Variants in NR1D2 observed in about 807,000 individuals in gnomAD.
NR1D2 encodes the protein V-erbA-related protein 1-related.
Under a neutral mutation model 52.2 loss-of-function variants are expected in NR1D2, and 25 were observed. The ratio of observed to expected loss-of-function variants is 0.48; its 90% CI spans 0.35 to 0.67. NR1D2 has a LOEUF of 0.67. NR1D2 is among the 30% of genes least tolerant of loss of function. The probability of loss-of-function intolerance (pLI) is 0.01; values close to 1 mark genes in which losing one functional copy is unlikely to be tolerated. For synonymous variants in NR1D2, 259 were observed against 230.1 expected (o/e 1.13, Z -1.14); for missense variants, 681 against 707.2 (o/e 0.96, Z 0.42).
chr3:23,977,381 C>A lies in NR1D2; in HGVS notation c.1702C>A (p.His568Asn), dbSNP rs1473459372. The A allele has an allele frequency of 1.9e-6, 3 of 1,610,208 alleles. No homozygotes were observed. Among genetic ancestry groups the A allele is most frequent in the Non-Finnish European group, 2.5e-6 (3 of 1,178,604 alleles). ...LPDLRSLNNMHSEELLAFKVH... is the reference protein window; with the variant it reads ...LPDLRSLNNMNSEELLAFKVH... Reference sequence around the variant, plus strand: ...AGATCTTCGATCTTTAAACAACATGCACTCTGAGGAGCTCTTGGCCTTTAA... The same window carrying A: ...AGATCTTCGATCTTTAAACAACATGAACTCTGAGGAGCTCTTGGCCTTTAA... The change falls in exon 8 of 8, where the codon CAC becomes AAC. Residue 568 changes from histidine (H) to asparagine (N), a missense_variant. This residue lies in a region of NR1D2 where 475 missense variants were observed against 454.5 expected (regional missense o/e 1.05). Transcript: ENST00000312521.
chr3:23,950,977 C>T (rs1705914026), intron 1 of NR1D2, among the ~76,000 whole-genome samples: 1 of 147,654 alleles, frequency 6.8e-6, no homozygotes, highest in Non-Finnish European at 1.5e-5. Context: ...GCCATCTCGG[C>T]TCACCGCAAC....
At chr3:23,946,406 C>T in intron 1 of NR1D2, 2 of 575,014 alleles carry the variant, frequency 3.5e-6, no homozygotes, top group Non-Finnish European at 4.4e-6. Context: ...GGGGCTTTCC[C>T]GAAGGGATAC....
intron 1 of NR1D2, among the ~76,000 whole-genome samples, chr3:23,949,313 C>T (rs561262319): frequency 3.3e-5 from 5 of 151,630 alleles, no homozygotes; most frequent in African/African-American, 7.3e-5. Context: ...GGCAGTGAGT[C>T]GAGATCACAC....
At chr3:23,949,639 T>C (rs1705871177) in intron 1 of NR1D2, among the ~76,000 whole-genome samples, 1 of 152,250 alleles carries the variant, frequency 6.6e-6, no homozygotes, top group African/African-American at 2.4e-5. Flanking sequence ...CCCTGACACC[T>C]AGGACACAAT....
chr3:23,948,774 G>C (rs1705847334), intron 1 of NR1D2, among the ~76,000 whole-genome samples: 1 of 152,196 alleles, frequency 6.6e-6, no homozygotes, highest in Non-Finnish European at 1.5e-5. Flanking sequence ...AACACAAACT[G>C]TTAACTACTG....
At chr3:23,949,376 C>A (rs1043300676) in intron 1 of NR1D2, among the ~76,000 whole-genome samples, 12 of 150,554 alleles carry the variant, frequency 8.0e-5, no homozygotes, top group South Asian at 2.2e-4. Context: ...AAAAAAAAAA[C>A]AACAAAAAAC....
At position 23,945,531 on chromosome 3, in the gene NR1D2, C is replaced by T. The variant is rs1388660710; in HGVS notation, c.-48C>T. 1.8e-6 allele frequency: 2 copies of T among 1,119,792 alleles called. No homozygotes were observed. Among genetic ancestry groups the T allele is most frequent in the Non-Finnish European group, 2.2e-6 (2 of 908,336 alleles). The allele number at this position is 1,119,792 out of a possible 1,614,324, so 69.4% of individuals were successfully genotyped here. A position where few individuals can be genotyped will look rare whatever the true frequency, so the allele number is the denominator to read the frequency against. On this transcript the variant is annotated 5_prime_UTR_variant, in exon 1 of 8. Transcript: ENST00000312521. ...CGCTGAGGCGGCGGCGGCGGCGCTG[C>T]CCCCTCTGCGGGAAGCGGGCGGCCC... is the stretch of plus-strand genomic sequence containing the variant.
chr3:23,967,026 T>C (rs1706465834), intron 6 of NR1D2, among the ~76,000 whole-genome samples: 1 of 151,698 alleles, frequency 6.6e-6, no homozygotes, highest in Non-Finnish European at 1.5e-5. Context: ...CCTGTCTCAA[T>C]AAATAAATAA....
intron 3 of NR1D2, among the ~76,000 whole-genome samples, chr3:23,957,159 T>C (rs62253383): frequency 0.3 from 45,274 of 151,416 alleles, 7,007 homozygotes; most frequent in Admixed American, 0.36. Flanking sequence ...ATTTTTGTAT[T>C]TTTAGTAGAT....
At chr3:23,959,627 T>C in intron 3 of NR1D2, 44 bp from the exon 4 acceptor site, 9 of 1,585,224 alleles carry the variant, frequency 5.7e-6, no homozygotes, top group Non-Finnish European at 7.7e-6. Context: ...AGAAGTTCAT[T>C]TGGGTGTTTT....
intron 1 of NR1D2, among the ~76,000 whole-genome samples, chr3:23,953,010 G>T: frequency 6.7e-6 from 1 of 149,032 alleles, no homozygotes; most frequent in African/African-American, 2.5e-5. Flanking sequence ...GGATTGTTTT[G>T]GCCTCAGCAT....
At chr3:23,951,579 A>G (rs911448235) in intron 1 of NR1D2, among the ~76,000 whole-genome samples, 1 of 152,232 alleles carries the variant, frequency 6.6e-6, no homozygotes, top group African/African-American at 2.4e-5. Context: ...GTAACATGAC[A>G]CTGGCTAGGT....
intron 5 of NR1D2, chr3:23,963,464 T>C (rs1575154762): frequency 8.8e-7 from 1 of 1,134,132 alleles, no homozygotes; most frequent in South Asian, 1.7e-5. Context: ...TTTTGTTTTT[T>C]TTTTTGAGAC....
In NR1D2 at chr3:23,979,654, A is replaced by G. The variant is rs1706824077; in HGVS notation, c.*2235A>G. ...GTAGGTAATGGGAAACAAAATTAATAGTTCATATGTCACTCATAGCATTTC... is the reference window on the plus strand; with the variant it reads ...GTAGGTAATGGGAAACAAAATTAATGGTTCATATGTCACTCATAGCATTTC... On this transcript the variant is annotated 3_prime_UTR_variant, in exon 8 of 8. Coordinates refer to ENST00000312521, the MANE Select transcript of NR1D2 (RefSeq NM_005126.5). The G allele has an allele frequency of 6.6e-6, 1 of 152,134 alleles. No individual in the cohort carries two copies. The highest frequency in any genetic ancestry group is 6.5e-5 in the Admixed American group (1 of 15,272). 9.4% of individuals were successfully genotyped at this position (152,134 alleles called of 1,614,324 possible).
At position 23,979,817 on chromosome 3, in the gene NR1D2, G is replaced by A. The variant is rs1575164612; in HGVS notation, c.*2398G>A. Reference sequence around the variant, plus strand: ...AAAGCAGCCAATTTAGGAAACTTCTGAGTTGGTGGGACACTGTTGATTAAT... The same window carrying A: ...AAAGCAGCCAATTTAGGAAACTTCTAAGTTGGTGGGACACTGTTGATTAAT... On this transcript the variant is annotated 3_prime_UTR_variant, in exon 8 of 8. Transcript: ENST00000312521. 1 of 152,232 alleles carries A rather than the reference G, an allele frequency of 6.6e-6. No individual in the cohort carries two copies. The highest frequency in any genetic ancestry group is 6.5e-5 in the Admixed American group (1 of 15,294). The allele number at this position is 152,232 out of a possible 1,614,324, so 9.4% of individuals were successfully genotyped here. A position where few individuals can be genotyped will look rare whatever the true frequency, so the allele number is the denominator to read the frequency against.
chr3:23,964,148 G>T (rs1047017738), intron 5 of NR1D2, among the ~76,000 whole-genome samples: 1 of 150,510 alleles, frequency 6.6e-6, no homozygotes, highest in Non-Finnish European at 1.5e-5. Flanking sequence ...GTATGATCTC[G>T]GCTCACTGCA....
chr3:23,945,751 C>T (rs1274988190), intron 1 of NR1D2, among the ~76,000 whole-genome samples, 157 bp downstream of exon 1: 6 of 150,194 alleles, frequency 4.0e-5, no homozygotes, highest in African/African-American at 7.3e-5. Flanking sequence ...GTTCCCATCG[C>T]CCCCCGGGCC....
rs1428506454 is a variant in NR1D2 at position 23,978,225 on chromosome 3, A to G, written c.*806A>G. 1 of 152,214 alleles carries G rather than the reference A, an allele frequency of 6.6e-6. No individual in the cohort carries two copies. The highest frequency in any genetic ancestry group is 1.5e-5 in the Non-Finnish European group (1 of 68,028). 9.4% of individuals were successfully genotyped at this position (152,214 alleles called of 1,614,324 possible). On this transcript the variant is annotated 3_prime_UTR_variant, in exon 8 of 8. Coordinates refer to ENST00000312521, the MANE Select transcript of NR1D2 (RefSeq NM_005126.5). ...TATGGGTACAACAAAGACATAGTAC[A>G]TGTACATAATATGTATGTGAATATA...
intron 7 of NR1D2, among the ~76,000 whole-genome samples, chr3:23,972,172 A>G (rs1021386109): frequency 2.0e-4 from 30 of 152,172 alleles, no homozygotes; most frequent in Admixed American, 2.0e-3. Flanking sequence ...ATATCTCATT[A>G]TATTACTTTA....
Sources: allele counts gnomAD v4.1 joint callset (sites outside exome capture counted in the v4.1 genomes callset), GRCh38; gene constraint gnomAD v4.1.1; regional missense constraint gnomAD v4.1.1; transcripts MANE v1.5; gene names NCBI Gene and HGNC (gene_info 2026-07-23, HGNC 2026-07-21).